The following SYNPR variants were observed in gnomAD, a reference collection of about 807,000 sequenced individuals.
SYNPR encodes the protein synaptoporin.
A neutral mutation model predicts 32.9 loss-of-function variants in SYNPR; 23 were observed. The observed-to-expected ratio is 0.70, with a 90% CI of 0.50 to 0.99. The LOEUF (loss-of-function observed/expected upper bound fraction) is 0.99. Among genes scored for constraint, SYNPR ranks in the 50% least tolerant of loss-of-function variants. The pLI, the probability that SYNPR is intolerant of heterozygous loss-of-function variation, is 0.00. For synonymous variants in SYNPR, 146 were observed against 135.9 expected (o/e 1.07, Z -0.52); for missense variants, 318 against 349.3 (o/e 0.91, Z 0.71).
chr3:63,508,571 AAACTCCCT>A (rs909893479), intron 3 of SYNPR, among the ~76,000 whole-genome samples: 43 of 152,230 alleles, frequency 2.8e-4, no homozygotes, highest in Admixed American at 2.6e-3. Context: ...TGGAAAGACA[AAACTCCCT>A]AACTCAACCA....
At chr3:63,288,540 T>A (rs1471057495) in intron 2 of SYNPR, among the ~76,000 whole-genome samples, 2 of 152,208 alleles carry the variant, frequency 1.3e-5, no homozygotes, top group Non-Finnish European at 2.9e-5. Context: ...CTTCAGCACA[T>A]GGGCCTCCAC....
At chr3:63,255,115 C>A (rs557784808) in intron 2 of SYNPR, among the ~76,000 whole-genome samples, 1 of 152,270 alleles carries the variant, frequency 6.6e-6, no homozygotes, top group East Asian at 1.9e-4. Context: ...TAGTAGCACA[C>A]CTTCCCCTGT....
chr3:63,362,972 A>G (rs981173609), intron 2 of SYNPR, among the ~76,000 whole-genome samples: 1 of 152,358 alleles, frequency 6.6e-6, no homozygotes. Context: ...CACTAGAATT[A>G]TCCAAACAAT....
At chr3:63,597,503 G>C (rs114106063) in intron 4 of SYNPR, among the ~76,000 whole-genome samples, 2,794 of 152,234 alleles carry the variant, frequency 0.018, 81 homozygotes, top group African/African-American at 0.064. Flanking sequence ...ACCCAACTGA[G>C]ACTTTACTAG....
At chr3:63,449,720 A>T (rs1203907177) in intron 2 of SYNPR, among the ~76,000 whole-genome samples, 1 of 152,192 alleles carries the variant, frequency 6.6e-6, no homozygotes, top group East Asian at 1.9e-4. Flanking sequence ...TACTAGTGCC[A>T]TTTGCCAACA....
intron 2 of SYNPR, among the ~76,000 whole-genome samples, chr3:63,286,173 C>T (rs1403360724): frequency 6.6e-6 from 1 of 152,176 alleles, no homozygotes; most frequent in Non-Finnish European, 1.5e-5. Context: ...AGTGACTCTT[C>T]AGGCGCTTGC....
At chr3:63,423,401 C>A (rs774580646) in intron 2 of SYNPR, among the ~76,000 whole-genome samples, 2 of 152,112 alleles carry the variant, frequency 1.3e-5, no homozygotes, top group African/African-American at 2.4e-5. Flanking sequence ...GGCTGGCCAG[C>A]GAGGAGACAG....
At chr3:63,444,870 G>A (rs562771055) in intron 2 of SYNPR, among the ~76,000 whole-genome samples, 1 of 151,696 alleles carries the variant, frequency 6.6e-6, no homozygotes, top group South Asian at 2.1e-4. Context: ...CTTGTTACTG[G>A]TCCCAATAAG....
chr3:63,412,851 A>G (rs1300594522), intron 2 of SYNPR, among the ~76,000 whole-genome samples: 1 of 152,174 alleles, frequency 6.6e-6, no homozygotes, highest in Non-Finnish European at 1.5e-5. Context: ...ATTTCGTGCA[A>G]GGGGATAATA....
intron 2 of SYNPR, among the ~76,000 whole-genome samples, chr3:63,256,137 C>G (rs1180699075): frequency 1.3e-5 from 2 of 152,238 alleles, no homozygotes; most frequent in East Asian, 1.9e-4. Flanking sequence ...GGCTCCACCT[C>G]TGGGGGCAGG....
At chr3:63,517,073 T>C (rs1701814663) in intron 3 of SYNPR, among the ~76,000 whole-genome samples, 1 of 152,170 alleles carries the variant, frequency 6.6e-6, no homozygotes, top group Non-Finnish European at 1.5e-5. Flanking sequence ...TCTATATCCA[T>C]GTGATATTGG....
chr3:63,549,884 G>A (rs1207405177), intron 3 of SYNPR: 5 of 152,008 alleles, frequency 3.3e-5, no homozygotes, highest in Non-Finnish European at 7.4e-5. Flanking sequence ...GACACAATGC[G>A]GTTAAACCCA....
intron 2 of SYNPR, among the ~76,000 whole-genome samples, chr3:63,354,264 C>T (rs1351533063): frequency 1.3e-5 from 2 of 152,200 alleles, no homozygotes; most frequent in Non-Finnish European, 2.9e-5. Context: ...CTGAGCTTTG[C>T]TGGGCTGGCT....
intron 3 of SYNPR, among the ~76,000 whole-genome samples, chr3:63,504,172 A>G (rs6445354): frequency 0.29 from 43,614 of 152,002 alleles, 7,279 homozygotes; most frequent in African/African-American, 0.47. Flanking sequence ...ATTATCATAT[A>G]CATCTATGCA....
intron 2 of SYNPR, among the ~76,000 whole-genome samples, chr3:63,260,367 A>G (rs2106899344): frequency 6.6e-6 from 1 of 152,304 alleles, no homozygotes; most frequent in East Asian, 1.9e-4. Flanking sequence ...TGGTACCAAA[A>G]CAGAGATATA....
intron 2 of SYNPR, among the ~76,000 whole-genome samples, chr3:63,457,368 A>AT (rs755159401): frequency 3.3e-5 from 5 of 151,328 alleles, no homozygotes; most frequent in South Asian, 4.2e-4. Context: ...TTTATTTTTT[A>AT]TTTTTTATTC....
At chr3:63,589,771 C>T (rs372220277) in intron 4 of SYNPR, among the ~76,000 whole-genome samples, 15,105 of 107,568 alleles carry the variant, frequency 0.14, 1,475 homozygotes, top group South Asian at 0.36. Context: ...ATGCTAAAAA[C>T]TCTCAATAAA....
intron 4 of SYNPR, among the ~76,000 whole-genome samples, chr3:63,573,754 C>T (rs1042209331): frequency 2.6e-5 from 4 of 152,136 alleles, no homozygotes; most frequent in Admixed American, 2.6e-4. Flanking sequence ...CAACCTGGTT[C>T]AGGACAGAGG....
chr3:63,521,172 G>T (rs1294818991), intron 3 of SYNPR, among the ~76,000 whole-genome samples: 1 of 152,124 alleles, frequency 6.6e-6, no homozygotes, highest in Non-Finnish European at 1.5e-5. Flanking sequence ...TCTTCCAGTG[G>T]GTTTAGGTGC....
Sources: gnomAD v4.1 joint callset for allele counts (sites outside exome capture counted in the v4.1 genomes callset) on GRCh38, gnomAD v4.1.1 for gene constraint, MANE v1.5 for transcripts, NCBI Gene and HGNC (gene_info 2026-07-23, HGNC 2026-07-21) for gene names.